The following EFNA5 variants were observed in gnomAD, a reference collection of about 807,000 sequenced individuals.
EFNA5 encodes ephrin A5, also known as ephrin-A5.
EFNA5 carries 5 observed loss-of-function variants against 22.9 expected under a neutral mutation model. The observed-to-expected ratio is 0.22, with a 90% confidence interval of 0.11 to 0.46. The LOEUF is 0.46. EFNA5 is among the 20% of genes least tolerant of loss of function. EFNA5 has a pLI of 0.99. For missense variants in EFNA5, 237 were observed against 293.3 expected, an observed-to-expected ratio of 0.81 and a Z score of 1.40; for synonymous variants, 113 against 112.2, an observed-to-expected ratio of 1.01 and a Z score of -0.04.
chr5:107,474,527 TAATAC>T lies in EFNA5; in HGVS notation c.126-47023_126-47019del, dbSNP rs1750226537. Among the ~76,000 whole-genome samples, 4 of 152,110 alleles carry T rather than the reference TAATAC, an allele frequency of 2.6e-5. No individual in the cohort carries two copies. In the South Asian group the frequency reaches 8.3e-4, roughly 32 times the overall value. ...TGTTGAGTTTTCCTCCAGGCATGAC[TAATAC>T]AATACAGGGAGGTGCTGTCATGCAA... On this transcript the variant is annotated intron_variant, in intron 1 of 4. Coordinates refer to ENST00000333274, the MANE Select transcript of EFNA5 (RefSeq NM_001962.3).
intron 1 of EFNA5, among the ~76,000 whole-genome samples, chr5:107,438,911 C>T (rs1167956183): frequency 6.6e-6 from 1 of 152,210 alleles, no homozygotes; most frequent in Non-Finnish European, 1.5e-5. Context: ...CAACCATCAT[C>T]AGAATGTGTT....
intron 1 of EFNA5, among the ~76,000 whole-genome samples, chr5:107,467,742 T>G (rs867301822): frequency 6.6e-6 from 1 of 152,250 alleles, no homozygotes; most frequent in Admixed American, 6.5e-5. Flanking sequence ...CTCTGAGTGC[T>G]AATGGCAGCG....
intron 1 of EFNA5, among the ~76,000 whole-genome samples, chr5:107,499,007 G>C (rs1301180869): frequency 3.9e-5 from 4 of 103,522 alleles, no homozygotes; most frequent in Admixed American, 2.1e-4. Context: ...TCAGCCAAAG[G>C]AGTCTTTGAT....
Position 107,451,391 on chromosome 5 carries a change from C to T in EFNA5, c.126-23882G>A, listed in dbSNP as rs146074513. Among the ~76,000 whole-genome samples, 209 of 152,290 alleles carry T rather than the reference C, an allele frequency of 1.4e-3. 1 individual carries two copies. The highest frequency in any genetic ancestry group is 3.4e-3 in the Middle Eastern group (1 of 294). On this transcript the variant is annotated intron_variant, in intron 1 of 4. Transcript: ENST00000333274. ...AAAGCAAGACTGTTCAAGTCATTAA[C>T]TGCAAAAATTAGAATAAAAAATTTT...
At chr5:107,665,621 G>A (rs149674318) in intron 1 of EFNA5, among the ~76,000 whole-genome samples, 62 of 152,258 alleles carry the variant, frequency 4.1e-4, no homozygotes, top group African/African-American at 1.4e-3. Context: ...AGACTGTATA[G>A]CCAAATCTGC....
chr5:107,635,704 C>G (rs754602977), intron 1 of EFNA5, among the ~76,000 whole-genome samples: 10 of 152,216 alleles, frequency 6.6e-5, no homozygotes, highest in Non-Finnish European at 1.3e-4. Context: ...AGGTAACAGA[C>G]AGCCTCACAG....
At chr5:107,485,620 T>C (rs25979) in intron 1 of EFNA5, among the ~76,000 whole-genome samples, 91,845 of 152,062 alleles carry the variant, frequency 0.6, 29,987 homozygotes, top group African/African-American at 0.85. Flanking sequence ...TGTTCAAAAG[T>C]TAGAGATACT....
chr5:107,545,920 C>T (rs1226372900), intron 1 of EFNA5, among the ~76,000 whole-genome samples: 2 of 152,060 alleles, frequency 1.3e-5, no homozygotes, highest in African/African-American at 4.8e-5. Flanking sequence ...TTGTCTGTAG[C>T]AGTTTGAAAA....
chr5:107,601,569 T>C (rs1284836824), intron 1 of EFNA5, among the ~76,000 whole-genome samples: 2 of 152,196 alleles, frequency 1.3e-5, no homozygotes, highest in Non-Finnish European at 2.9e-5. Flanking sequence ...ATTAGGTAGA[T>C]AAGGTAATGA....
intron 1 of EFNA5, among the ~76,000 whole-genome samples, chr5:107,617,869 A>G (rs530634906): frequency 4.0e-4 from 61 of 152,278 alleles, no homozygotes; most frequent in African/African-American, 1.5e-3. Flanking sequence ...TTCAAAAATC[A>G]TGCACTTCAA....
intron 1 of EFNA5, among the ~76,000 whole-genome samples, chr5:107,607,405 T>G (rs1749746521): frequency 6.6e-6 from 1 of 152,238 alleles, no homozygotes; most frequent in South Asian, 2.1e-4. Context: ...CAGTAGAGTT[T>G]GAGCCCAGTT....
intron 1 of EFNA5, among the ~76,000 whole-genome samples, chr5:107,660,303 TATATA>T (rs1750925083): frequency 9.8e-6 from 1 of 102,512 alleles, no homozygotes; most frequent in African/African-American, 3.5e-5. Flanking sequence ...TATATATATA[TATATA>T]TATATATTTG....
At chr5:107,623,837 G>T (rs551479102) in intron 1 of EFNA5, among the ~76,000 whole-genome samples, 5 of 152,190 alleles carry the variant, frequency 3.3e-5, no homozygotes, top group African/African-American at 1.2e-4. Context: ...AAGTTTTGTG[G>T]TAAAGACTTA....
intron 1 of EFNA5, among the ~76,000 whole-genome samples, chr5:107,440,481 G>A (rs1355629969): frequency 6.6e-5 from 10 of 152,216 alleles, no homozygotes; most frequent in Admixed American, 6.5e-4. Flanking sequence ...CTCTGAATGA[G>A]CCACTTGTGT....
chr5:107,563,921 T>A (rs1209363489), intron 1 of EFNA5, among the ~76,000 whole-genome samples: 1 of 152,218 alleles, frequency 6.6e-6, no homozygotes, highest in Non-Finnish European at 1.5e-5. Flanking sequence ...ATCAGAACCC[T>A]CCCTCTACCT....
At chr5:107,607,741 G>A (rs577629989) in intron 1 of EFNA5, among the ~76,000 whole-genome samples, 4 of 152,222 alleles carry the variant, frequency 2.6e-5, no homozygotes, top group African/African-American at 9.6e-5. Context: ...AGGAGGGAGT[G>A]TATGACCATA....
chr5:107,518,872 T>G (rs1004404351), intron 1 of EFNA5, among the ~76,000 whole-genome samples: 1 of 152,202 alleles, frequency 6.6e-6, no homozygotes, highest in African/African-American at 2.4e-5. Flanking sequence ...CAATGGAAAG[T>G]ATTTTCTGTA....
chr5:107,530,894 G>A (rs1203389465), intron 1 of EFNA5, among the ~76,000 whole-genome samples: 1 of 152,114 alleles, frequency 6.6e-6, no homozygotes, highest in Non-Finnish European at 1.5e-5. Context: ...GTTTACCTGG[G>A]ACATTGCCTC....
intron 1 of EFNA5, among the ~76,000 whole-genome samples, chr5:107,569,519 GTGTATATATATTTATATATATA>G (rs1446333355): frequency 6.2e-5 from 8 of 128,836 alleles, no homozygotes; most frequent in African/African-American, 2.4e-4. Flanking sequence ...TTATATATGT[GTGTATATATATTTATATATATA>G]TGTGTGTATA....
Sources: allele counts gnomAD v4.1 joint callset (sites outside exome capture counted in the v4.1 genomes callset), GRCh38; gene constraint gnomAD v4.1.1; transcripts MANE v1.5; gene names NCBI Gene and HGNC (gene_info 2026-07-23, HGNC 2026-07-21).